ARNT2: variants seen among roughly 807,000 people sequenced by gnomAD.
ARNT2 encodes the protein aryl hydrocarbon receptor nuclear translocator 2, also known as ARNT protein 2.
In ARNT2, 36 loss-of-function variants were observed where a neutral mutation model predicts 91.7. That is an observed-to-expected ratio of 0.39 (90% CI 0.30 to 0.52). ARNT2 has a LOEUF of 0.52. Among genes scored for constraint, ARNT2 ranks in the 20% least tolerant of loss-of-function variants. The pLI, the probability that ARNT2 is intolerant of heterozygous loss-of-function variation, is 0.72. For missense variants in ARNT2, 775 were observed against 939.3 expected, an observed-to-expected ratio of 0.83 and a Z score of 2.29; for synonymous variants, 365 against 347.1, an observed-to-expected ratio of 1.05 and a Z score of -0.57.
In ARNT2 at chr15:80,563,010, A is replaced by G; in HGVS notation, c.1165-78A>G. 1.9e-6 allele frequency: 3 copies of G among 1,543,684 alleles called. No individual in the cohort carries two copies. The South Asian group carries it at 3.4e-5, about 18-fold the overall frequency. On this transcript the variant is annotated intron_variant, in intron 11 of 18. Transcript: ENST00000303329. ...TCCTGCTGGCCCCTGCCGCAACCCCACTGCCTGCAGCTTCTCCCTCCTCCC... is the reference window on the plus strand; with the variant it reads ...TCCTGCTGGCCCCTGCCGCAACCCCGCTGCCTGCAGCTTCTCCCTCCTCCC...
At chr15:80,537,060 A>G (rs936722512) in intron 8 of ARNT2, among the ~76,000 whole-genome samples, 2 of 152,012 alleles carry the variant, frequency 1.3e-5, no homozygotes, top group African/African-American at 4.8e-5. Flanking sequence ...GCACTCTTTC[A>G]TCCTCAGCCC....
At chr15:80,441,056 T>C (rs1896180366) in intron 1 of ARNT2, among the ~76,000 whole-genome samples, 1 of 152,248 alleles carries the variant, frequency 6.6e-6, no homozygotes, top group African/African-American at 2.4e-5. Flanking sequence ...ACTAAAATGT[T>C]TGGATAAGAA....
At chr15:80,555,205 G>A in intron 11 of ARNT2, 66 bp downstream of exon 11, 1 of 1,544,192 alleles carries the variant, frequency 6.5e-7, no homozygotes, top group Non-Finnish European at 8.9e-7. Context: ...GTGGCTGGCA[G>A]GACATTAGTC....
chr15:80,516,828 A>AATATATATCTAT (rs1897441370), intron 8 of ARNT2, among the ~76,000 whole-genome samples: 1 of 74,800 alleles, frequency 1.3e-5, no homozygotes, highest in African/African-American at 4.7e-5. Context: ...TACAATTACA[A>AATATATATCTAT]ATATATATAT....
Position 80,591,751 on chromosome 15 carries a change from T to C in ARNT2, c.2055+47T>C, listed in dbSNP as rs999047850. The C allele has an allele frequency of 1.2e-6, 2 of 1,607,256 alleles. No homozygotes were observed. The highest frequency in any genetic ancestry group is 1.7e-6 in the Non-Finnish European group (2 of 1,175,084). On this transcript the variant is annotated intron_variant, in intron 18 of 18. Coordinates refer to ENST00000303329, the MANE Select transcript of ARNT2 (RefSeq NM_014862.4). The surrounding 1 kb of genome is among the most constrained non-coding windows in gnomAD (Gnocchi z 5.1). ...TTCTCGTAGGTACCGGCGCCTTCTC[T>C]CTGCTTCCTTTCCCCCTCGGTCTCT...
rs77459947 is a variant in ARNT2 at position 80,569,367 on chromosome 15, G to A, written c.1317-4781G>A. On this transcript the variant is annotated intron_variant, in intron 12 of 18. Transcript: ENST00000303329. Reference sequence around the variant, plus strand: ...GTAGGAACCCACTTCCCTCGCATGTGCTGTCAGTCAGTTTTCTCCTGAGCA... The same window carrying A: ...GTAGGAACCCACTTCCCTCGCATGTACTGTCAGTCAGTTTTCTCCTGAGCA... 7.1e-3 allele frequency among the ~76,000 whole-genome samples: 1,075 copies of A among 152,322 alleles called. 12 individuals are homozygous for A. Among genetic ancestry groups the A allele is most frequent in the Non-Finnish European group, 0.012 (784 of 68,026 alleles).
intron 5 of ARNT2, among the ~76,000 whole-genome samples, chr15:80,476,430 G>T (rs1595979369): frequency 1.3e-5 from 2 of 152,254 alleles, no homozygotes; most frequent in South Asian, 4.2e-4. Flanking sequence ...TCCTTAATAT[G>T]TCAATCACAT....
chr15:80,580,236 G>A, intron 15 of ARNT2, 175 bp from the exon 16 acceptor site: 1 of 772,240 alleles, frequency 1.3e-6, no homozygotes, highest in Non-Finnish European at 2.2e-6. Flanking sequence ...GAAGGGAGAG[G>A]AGGACGGCCA....
At chr15:80,443,293 G>A (rs186171386) in intron 1 of ARNT2, among the ~76,000 whole-genome samples, 1 of 152,344 alleles carries the variant, frequency 6.6e-6, no homozygotes, top group Admixed American at 6.5e-5. Flanking sequence ...GTAGGCAGTG[G>A]CCTGATCACA....
chr15:80,499,291 C>G (rs1312776781), intron 5 of ARNT2, among the ~76,000 whole-genome samples: 1 of 152,180 alleles, frequency 6.6e-6, no homozygotes, highest in Non-Finnish European at 1.5e-5. Context: ...CACTGTGACC[C>G]ACTTCCTAGG....
At chr15:80,521,183 T>A in intron 8 of ARNT2, among the ~76,000 whole-genome samples, 1 of 152,192 alleles carries the variant, frequency 6.6e-6, no homozygotes, top group Non-Finnish European at 1.5e-5. Context: ...TGTTTAGAAG[T>A]AACTCAAAGA....
chr15:80,564,521 A>T (rs1596016752), intron 12 of ARNT2, among the ~76,000 whole-genome samples: 1 of 128,924 alleles, frequency 7.8e-6, no homozygotes, highest in Admixed American at 7.4e-5. Flanking sequence ...AGGGCCAATG[A>T]CCTGGATTTT....
At chr15:80,467,800 T>C (rs1339486588) in intron 3 of ARNT2, among the ~76,000 whole-genome samples, 1 of 152,096 alleles carries the variant, frequency 6.6e-6, no homozygotes, top group African/African-American at 2.4e-5. Context: ...ACCTTGGTTG[T>C]CTCGTGACAA....
intron 12 of ARNT2, among the ~76,000 whole-genome samples, chr15:80,567,939 G>T (rs1728633942): frequency 6.6e-6 from 1 of 152,202 alleles, no homozygotes; most frequent in South Asian, 2.1e-4. Flanking sequence ...GACTTGTTAT[G>T]GAAAGATCCT....
At chr15:80,593,147 C>T (rs1007007466) in intron 18 of ARNT2, among the ~76,000 whole-genome samples, 6 of 152,232 alleles carry the variant, frequency 3.9e-5, no homozygotes, top group Admixed American at 1.3e-4. Context: ...TCTAACCATT[C>T]AGGGATTCGT....
At chr15:80,419,885 C>T (rs997927871) in intron 1 of ARNT2, among the ~76,000 whole-genome samples, 2 of 152,248 alleles carry the variant, frequency 1.3e-5, no homozygotes, top group South Asian at 2.1e-4. Context: ...TGCTTTGGAA[C>T]GCAGTGTAAG....
chr15:80,563,002 G>T, intron 11 of ARNT2, 86 bp from the exon 12 acceptor site: 1 of 1,502,126 alleles, frequency 6.7e-7, no homozygotes, highest in Non-Finnish European at 9.2e-7. Context: ...GGCCCCTGCC[G>T]CAACCCCACT....
chr15:80,535,893 T>C (rs540068147), intron 8 of ARNT2, among the ~76,000 whole-genome samples: 7 of 152,296 alleles, frequency 4.6e-5, no homozygotes, highest in African/African-American at 1.7e-4. Flanking sequence ...GTGGTGTTTG[T>C]TGTTTTGTTT....
At chr15:80,569,030 G>A (rs1011138970) in intron 12 of ARNT2, among the ~76,000 whole-genome samples, 5 of 152,152 alleles carry the variant, frequency 3.3e-5, no homozygotes, top group Admixed American at 6.5e-5. Context: ...CAAGTATTTC[G>A]AGTCCTTCAC....
Sources: allele counts gnomAD v4.1 joint callset (sites outside exome capture counted in the v4.1 genomes callset), GRCh38; gene constraint gnomAD v4.1.1; non-coding constraint Gnocchi (gnomAD v3.1); transcripts MANE v1.5; gene names NCBI Gene and HGNC (gene_info 2026-07-23, HGNC 2026-07-21).